Variants in SCN8A observed in about 807,000 individuals in gnomAD.
SCN8A encodes the protein sodium channel protein type 8 subunit alpha.
A neutral mutation model predicts 184.1 loss-of-function variants in SCN8A; 30 were observed. That is an observed-to-expected ratio of 0.16 (90% CI 0.12 to 0.22). The LOEUF (loss-of-function observed/expected upper bound fraction) is 0.22. SCN8A is among the 10% of genes least tolerant of loss of function. The pLI is 1.00. For missense variants in SCN8A, 1,057 were observed against 2,498.9 expected, an observed-to-expected ratio of 0.42 and a Z score of 12.30; for synonymous variants, 852 against 907.0, an observed-to-expected ratio of 0.94 and a Z score of 1.09.
At chr12:51,648,968 A>G (rs534722553) in intron 1 of SCN8A, among the ~76,000 whole-genome samples, 1 of 152,340 alleles carries the variant, frequency 6.6e-6, no homozygotes, top group South Asian at 2.1e-4. Flanking sequence ...AGCCTGTAAA[A>G]TCAAAAGCAA....
intron 1 of SCN8A, among the ~76,000 whole-genome samples, chr12:51,592,139 C>T (rs1939239023): frequency 6.7e-6 from 1 of 149,292 alleles, no homozygotes; most frequent in Non-Finnish European, 1.5e-5. Context: ...GCAGCAGCAC[C>T]CTTGGCTTCT....
intron 12 of SCN8A, among the ~76,000 whole-genome samples, chr12:51,726,539 T>G (rs1205784300): frequency 6.6e-6 from 1 of 152,178 alleles, no homozygotes; most frequent in Admixed American, 6.5e-5. Flanking sequence ...ATACTAACTC[T>G]GAAGCCCAAG....
At chr12:51,622,229 C>T (rs186424621) in intron 1 of SCN8A, among the ~76,000 whole-genome samples, 8 of 152,280 alleles carry the variant, frequency 5.3e-5, no homozygotes, top group Non-Finnish European at 1.2e-4. Context: ...CCTGTATATG[C>T]CTCACCTGGT....
intron 1 of SCN8A, among the ~76,000 whole-genome samples, chr12:51,637,620 A>G (rs560225680): frequency 5.9e-5 from 9 of 152,334 alleles, no homozygotes; most frequent in Admixed American, 1.3e-4. Context: ...CTCCAATTCT[A>G]TGAAAGCTGA....
chr12:51,756,632 T>C (rs919175545), intron 14 of SCN8A, among the ~76,000 whole-genome samples: 1 of 152,238 alleles, frequency 6.6e-6, no homozygotes, highest in Non-Finnish European at 1.5e-5. Flanking sequence ...CCTAGACTGT[T>C]GCCCAAAGCG....
chr12:51,728,290 G>A (rs910832229), intron 12 of SCN8A, among the ~76,000 whole-genome samples: 2 of 152,154 alleles, frequency 1.3e-5, no homozygotes, highest in African/African-American at 4.8e-5. Context: ...AAAATAGAAC[G>A]TTGACCCATG....
intron 1 of SCN8A, among the ~76,000 whole-genome samples, chr12:51,645,203 T>TG (rs1197765774): frequency 1.1e-4 from 14 of 133,278 alleles, no homozygotes; most frequent in African/African-American, 2.6e-4. Context: ...GGGAGGGAGG[T>TG]GGGGGGGTCA....
chr12:51,624,637 T>C (rs558754470), intron 1 of SCN8A, among the ~76,000 whole-genome samples: 1 of 152,298 alleles, frequency 6.6e-6, no homozygotes, highest in African/African-American at 2.4e-5. Context: ...TTTGTCAATT[T>C]TGGCTTTTGT....
At chr12:51,668,716 T>G (rs1941079570) in intron 2 of SCN8A, among the ~76,000 whole-genome samples, 1 of 152,180 alleles carries the variant, frequency 6.6e-6, no homozygotes, top group Non-Finnish European at 1.5e-5. Flanking sequence ...TTGGGCTTAT[T>G]ATCAATACCG....
At chr12:51,701,398 A>G (rs1028833710) in intron 8 of SCN8A, among the ~76,000 whole-genome samples, 191 bp downstream of exon 8, 5 of 152,208 alleles carry the variant, frequency 3.3e-5, no homozygotes, top group African/African-American at 1.2e-4. Context: ...TTTCACTAGT[A>G]AGTGCCTGTG....
intron 14 of SCN8A, among the ~76,000 whole-genome samples, chr12:51,760,864 C>T (rs1942752626): frequency 6.6e-6 from 1 of 152,158 alleles, no homozygotes; most frequent in African/African-American, 2.4e-5. Flanking sequence ...GCCACTTATC[C>T]ATTTTGATGT....
At chr12:51,713,459 T>C in intron 11 of SCN8A, 1 of 774,542 alleles carries the variant, frequency 1.3e-6, no homozygotes, top group Non-Finnish European at 2.3e-6. Context: ...CCTCTTAAAC[T>C]ATCATCTGTA....
At chr12:51,644,887 C>A (rs1366022202) in intron 1 of SCN8A, among the ~76,000 whole-genome samples, 1 of 151,928 alleles carries the variant, frequency 6.6e-6, no homozygotes, top group Non-Finnish European at 1.5e-5. Context: ...GCCTGGCAAC[C>A]GCCCCGTCTG....
intron 1 of SCN8A, among the ~76,000 whole-genome samples, chr12:51,651,412 C>T (rs1469543578): frequency 1.3e-5 from 2 of 152,168 alleles, no homozygotes; most frequent in African/African-American, 4.8e-5. Flanking sequence ...TCTATGTTGG[C>T]CAGGCTGGTC....
At chr12:51,728,978 C>G (rs1161706273) in intron 12 of SCN8A, among the ~76,000 whole-genome samples, 2 of 152,172 alleles carry the variant, frequency 1.3e-5, no homozygotes, top group Non-Finnish European at 2.9e-5. Context: ...TTTGCCACTC[C>G]TCTGCCTGCC....
chr12:51,699,954 A>C (rs1354353509), intron 7 of SCN8A, among the ~76,000 whole-genome samples, 163 bp downstream of exon 7: 1 of 151,912 alleles, frequency 6.6e-6, no homozygotes, highest in Non-Finnish European at 1.5e-5. Context: ...ATCACCTGAG[A>C]TTGGGAGTTT....
chr12:51,786,462 G>A, intron 21 of SCN8A, 80 bp from the exon 22 acceptor site: 2 of 1,454,276 alleles, frequency 1.4e-6, no homozygotes, highest in South Asian at 1.2e-5. Flanking sequence ...GCCACACAAT[G>A]TCATTCCCCT....
Position 51,782,308 on chromosome 12 carries a change from A to G in SCN8A, c.3942+1537A>G, listed in dbSNP as rs538267832. 5.9e-5 allele frequency among the ~76,000 whole-genome samples: 9 copies of G among 152,360 alleles called. No homozygotes were observed. In the East Asian group the frequency reaches 1.5e-3, roughly 26 times the overall value. ...TAAATTTAGGAAGAGAGTTTATTAC[A>G]CAAGATTCAGTGGTTTAGACAGCCA... On this transcript the variant is annotated intron_variant, in intron 21 of 26. Transcript: ENST00000627620.
chr12:51,614,763 G>T (rs1231660030), intron 1 of SCN8A, among the ~76,000 whole-genome samples: 1 of 146,972 alleles, frequency 6.8e-6, no homozygotes. Flanking sequence ...TGGGTTTCTG[G>T]TAGATAGCAT....
Sources: allele counts gnomAD v4.1 joint callset (sites outside exome capture counted in the v4.1 genomes callset), GRCh38; gene constraint gnomAD v4.1.1; transcripts MANE v1.5; gene names NCBI Gene and HGNC (gene_info 2026-07-23, HGNC 2026-07-21).